Variants in ACE observed in about 807,000 individuals in gnomAD.
ACE encodes the protein angiotensin-converting enzyme.
In ACE, 122 loss-of-function variants were observed where a neutral mutation model predicts 162.3. The observed-to-expected ratio is 0.75, with a 90% confidence interval of 0.65 to 0.87. The LOEUF is 0.87. Ranked by LOEUF, ACE falls within the 40% of genes least tolerant of loss-of-function variation. The probability of loss-of-function intolerance (pLI) is 0.00; values close to 1 mark genes in which losing one functional copy is unlikely to be tolerated. For synonymous variants in ACE, 796 were observed against 720.6 expected, an observed-to-expected ratio of 1.10 and a Z score of -1.68; for missense variants, 1,799 against 1,735.1, an observed-to-expected ratio of 1.04 and a Z score of -0.65.
chr17:63,496,753 G>T, intron 23 of ACE, 45 bp from the exon 24 acceptor site: 1 of 1,606,752 alleles, frequency 6.2e-7, no homozygotes, highest in Non-Finnish European at 8.5e-7. Context: ...GGGCAAGAGG[G>T]GCCATGTCCT....
In ACE at chr17:63,477,969, C is replaced by A. The variant is rs778109111; in HGVS notation, c.288C>A (p.Ala96=). The change falls in exon 2 of 25, where the codon GCC becomes GCA. Residue 96 remains alanine (A), a synonymous_variant. Transcript: ENST00000290866. ...AALLSQEFAE[A]WGQKAKELYE... ...TGCTCAGCCAGGAGTTTGCGGAGGC[C>A]TGGGGCCAGAAGGCCAAGGAGCTGT... 1.2e-6 allele frequency: 2 copies of A among 1,612,356 alleles called. No homozygotes were observed. Among genetic ancestry groups the A allele is most frequent in the Non-Finnish European group, 1.7e-6 (2 of 1,179,510 alleles).
At chr17:63,487,734 C>T (rs549328278) in intron 15 of ACE, among the ~76,000 whole-genome samples, 3 of 152,304 alleles carry the variant, frequency 2.0e-5, no homozygotes, top group African/African-American at 7.2e-5. Context: ...CCTCTCAACC[C>T]ACCCTTTCCA....
Position 63,493,879 on chromosome 17 carries a change from G to C in ACE, c.3137-43G>C, listed in dbSNP as rs374544329. The C allele has an allele frequency of 1.2e-5, 20 of 1,613,906 alleles. No homozygotes were observed. In the African/African-American group the frequency reaches 2.5e-4, roughly 20 times the overall value. On this transcript the variant is annotated intron_variant, in intron 20 of 24. Transcript: ENST00000290866. ...ATCACAGGCACACCAGGGCCAAGCC[G>C]CTAGGACCCTGGGTCTGACAGCTGG...
chr17:63,483,542 G>A lies in ACE; in HGVS notation c.1570G>A (p.Val524Met), dbSNP rs1198635867. The change falls in exon 10 of 25, where the codon GTG (valine) becomes ATG (methionine). Residue 524 changes from valine to methionine, a missense_variant. Coordinates refer to ENST00000290866, the MANE Select transcript of ACE (RefSeq NM_000789.4). ...DAGAKFHVPN[V>M]TPYIRYFVSF... ...TGGAGCTAAGTTTCATGTTCCAAAT[G>A]TGACACCATACATCAGGTATTAGCG... is the stretch of plus-strand genomic sequence containing the variant. The A allele has an allele frequency of 2.5e-6, 4 of 1,613,908 alleles. No individual in the cohort carries two copies. In the African/African-American group the frequency reaches 4.0e-5, roughly 16 times the overall value.
intron 5 of ACE, 25 bp downstream of exon 5, chr17:63,480,553 A>G (rs763532675): frequency 2.5e-6 from 4 of 1,612,050 alleles, no homozygotes; most frequent in African/African-American, 2.7e-5. Context: ...TCGCCTCCAC[A>G]TGAGTCCCAC....
rs12709441 is a variant in ACE, at chr17:63,496,269, C to T, written c.3381-125C>T. Reference sequence around the variant, plus strand: ...GATAGCTGTGGGCAGAGTTGGGGGGCCTTGGCTCTGCTGTGCGCATGTGAC... The same window carrying T: ...GATAGCTGTGGGCAGAGTTGGGGGGTCTTGGCTCTGCTGTGCGCATGTGAC... On this transcript the variant is annotated intron_variant, in intron 22 of 24. Transcript: ENST00000290866. 1.1e-3 allele frequency: 1,640 copies of T among 1,436,820 alleles called. 21 individuals are homozygous for T. In the African/African-American group the frequency reaches 0.02, roughly 17 times the overall value. 89.0% of individuals were successfully genotyped at this position (1,436,820 alleles called of 1,614,324 possible). A position where few individuals can be genotyped will look rare whatever the true frequency, so the allele number is the denominator to read the frequency against.
intron 19 of ACE, among the ~76,000 whole-genome samples, chr17:63,493,030 C>G (rs966525582): frequency 1.3e-5 from 2 of 152,202 alleles, no homozygotes; most frequent in Non-Finnish European, 2.9e-5. Flanking sequence ...TCACCCCTGA[C>G]AGAAACAGTT....
intron 6 of ACE, 21 bp downstream of exon 6, chr17:63,481,209 TGGGGTGGTGGGGGTCG>T: frequency 3.0e-6 from 2 of 669,288 alleles, no homozygotes; most frequent in Non-Finnish European, 4.7e-6. Flanking sequence ...GGCTCAAGCC[TGGGGTGGTGGGGGTCG>T]GGGGTGGGGC....
chr17:63,493,929 C>T lies in ACE; in HGVS notation c.3144C>T (p.Asp1048=). 6.2e-7 allele frequency: 1 copy of T among 1,614,156 alleles called. No individual in the cohort carries two copies. Among genetic ancestry groups the T allele is most frequent in the Non-Finnish European group, 8.5e-7 (1 of 1,180,036 alleles). The change falls in exon 21 of 25, where the codon GAC becomes GAT. Residue 1048 remains aspartate, a synonymous_variant. Coordinates refer to ENST00000290866, the MANE Select transcript of ACE (RefSeq NM_000789.4). ...LSSEGGSDEH[D]INFLMKMALD... is the part of the protein sequence containing the mutation. The stretch of plus-strand genomic sequence containing the variant: ...GGCTCCCTTCCCTTGCAGAGCATGA[C>T]ATCAACTTTCTGATGAAGATGGCCC...
Position 63,497,343 on chromosome 17 carries a change from G to C in ACE, c.3898G>C (p.Glu1300Gln). The change falls in exon 25 of 25, where the codon GAG becomes CAG. Residue 1300 changes from glutamate (E) to glutamine (Q), a missense_variant. Glu to Gln is a conservative substitution (Grantham distance 29). Coordinates refer to ENST00000290866, the MANE Select transcript of ACE (RefSeq NM_000789.4). ...CTCCCACGGGCCCCAGTTCGGCTCCGAGGTGGAGCTGAGACACTCCTGAGG... is the reference window on the plus strand; with the variant it reads ...CTCCCACGGGCCCCAGTTCGGCTCCCAGGTGGAGCTGAGACACTCCTGAGG... ...RHSHGPQFGS[E>Q]VELRHS The C allele has an allele frequency of 3.2e-6, 5 of 1,548,556 alleles. No individual in the cohort carries two copies. Among genetic ancestry groups the C allele is most frequent in the East Asian group, 2.4e-5 (1 of 40,882 alleles).
Position 63,484,890 on chromosome 17 carries a change from C to G in ACE, c.1922-346C>G. 3.1e-6 allele frequency: 5 copies of G among 1,589,498 alleles called. No homozygotes were observed. The highest frequency in any genetic ancestry group is 3.4e-6 in the Non-Finnish European group (4 of 1,167,970). On this transcript the variant is annotated intron_variant, in intron 12 of 24. Transcript: ENST00000290866. This position sits in a 1 kb window ranked among gnomAD's most constrained non-coding sequence, Gnocchi z 4.0. ...GCCATGGGCCAGGGTTGGGCTACTG[C>G]AGGACTTCCCAGCCTCCTCTTCCTG... is the stretch of plus-strand genomic sequence containing the variant.
At chr17:63,492,815 G>A (rs995580485) in intron 19 of ACE, among the ~76,000 whole-genome samples, 8 of 152,058 alleles carry the variant, frequency 5.3e-5, no homozygotes, top group African/African-American at 1.9e-4. Context: ...TGAGCTCAGG[G>A]GTTCGAGACC....
In ACE at chr17:63,482,420, G is replaced by C. The variant is rs199895553; in HGVS notation, c.1119-46G>C. On this transcript the variant is annotated intron_variant, in intron 7 of 24. Coordinates refer to ENST00000290866, the MANE Select transcript of ACE (RefSeq NM_000789.4). ...CTGCCCTGTGCCCTGGCCCTGCCCT[G>C]TTCTGTCCATCCGTCACTCTCACCC... 5 of 1,575,370 alleles carry C rather than the reference G, an allele frequency of 3.2e-6. No homozygotes were observed. In the East Asian group the frequency reaches 9.1e-5, roughly 29 times the overall value.
rs1308790992 is a variant in ACE, at chr17:63,496,409, C to A, written c.3396C>A (p.Phe1132Leu). ...TCTGCTCCAGGTACTTTGTCAGCTT[C>A]ATCATCCAGTTCCAGTTCCACGAGG... ...SVPYIRYFVS[F>L]IIQFQFHEAL... Residue 1132 changes from phenylalanine (F) to leucine (L), a missense_variant, in exon 23 of 25, where the codon TTC (phenylalanine) becomes TTA (leucine). Phe to Leu is a conservative substitution (Grantham distance 22). Coordinates refer to ENST00000290866, the MANE Select transcript of ACE (RefSeq NM_000789.4). 2 of 1,614,226 alleles carry A rather than the reference C, an allele frequency of 1.2e-6. No homozygotes were observed. The highest frequency in any genetic ancestry group is 1.7e-6 in the Non-Finnish European group (2 of 1,180,040).
In ACE at chr17:63,484,065, G is replaced by C. The variant is rs2147537529; in HGVS notation, c.1709+94G>C. The stretch of plus-strand genomic sequence containing the variant: ...TGTCTGGCTGCTCTGATGGGGTGGG[G>C]GGCACCAACCACAGAGCTGGACTGA... On this transcript the variant is annotated intron_variant, in intron 11 of 24. Transcript: ENST00000290866. This position sits in a 1 kb window ranked among gnomAD's most constrained non-coding sequence, Gnocchi z 4.0. 2.0e-6 allele frequency: 3 copies of C among 1,523,070 alleles called. No homozygotes were observed. The East Asian group carries it at 7.4e-5, about 37-fold the overall frequency. 94.3% of individuals were successfully genotyped at this position (1,523,070 alleles called of 1,614,324 possible). A position where few individuals can be genotyped will look rare whatever the true frequency, so the allele number is the denominator to read the frequency against.
At position 63,486,692 on chromosome 17, in the gene ACE, C is replaced by T. The variant is rs1300293916; in HGVS notation, c.2194C>T (p.Leu732=). 3.1e-6 allele frequency: 5 copies of T among 1,614,118 alleles called. No individual in the cohort carries two copies. Among genetic ancestry groups the T allele is most frequent in the Non-Finnish European group, 4.2e-6 (5 of 1,179,934 alleles). The part of the protein sequence containing the change: ...KKVQDLERAA[L]PAQELEEYNK... The stretch of plus-strand genomic sequence containing the variant: ...GGTTCAGGACCTAGAACGGGCAGCA[C>T]TGCCTGCCCAGGAGCTGGAGGAGGT... Residue 732 remains leucine, a synonymous_variant, in exon 14 of 25, where the codon CTG becomes TTG. Coordinates refer to ENST00000290866, the MANE Select transcript of ACE (RefSeq NM_000789.4).
In ACE at chr17:63,491,752, T is replaced by A. The variant is rs749719306; in HGVS notation, c.2912+371T>A. 1.3e-5 allele frequency among the ~76,000 whole-genome samples: 2 copies of A among 152,272 alleles called. No individual in the cohort carries two copies. Among genetic ancestry groups the A allele is most frequent in the South Asian group, 4.1e-4 (2 of 4,822 alleles). Reference sequence around the variant, plus strand: ...GGAGGCACACGAGGATGTTGGGTGCTCTGTACAGATCCACTCTCACCCCTG... The same window carrying A: ...GGAGGCACACGAGGATGTTGGGTGCACTGTACAGATCCACTCTCACCCCTG... On this transcript the variant is annotated intron_variant, in intron 19 of 24. Transcript: ENST00000290866. The surrounding 1 kb of genome is among the most constrained non-coding windows in gnomAD (Gnocchi z 4.4).
Position 63,497,528 on chromosome 17 carries a change from C to T in ACE, c.*162C>T. On this transcript the variant is annotated 3_prime_UTR_variant, in exon 25 of 25. Transcript: ENST00000290866. ...CCCAGTCCTCCAGACCACCAGCCGCCCCAGCCCCTTCTCCCAGCACACGGC... is the reference window on the plus strand; with the variant it reads ...CCCAGTCCTCCAGACCACCAGCCGCTCCAGCCCCTTCTCCCAGCACACGGC... 1.4e-6 allele frequency: 1 copy of T among 730,498 alleles called. No homozygotes were observed. The highest frequency in any genetic ancestry group is 2.7e-5 in the East Asian group (1 of 37,408). The allele number at this position is 730,498 out of a possible 1,614,324, so 45.3% of individuals were successfully genotyped here.
At chr17:63,485,449 G>A in intron 13 of ACE, 77 bp downstream of exon 13, 1 of 1,583,594 alleles carries the variant, frequency 6.3e-7, no homozygotes, top group Admixed American at 1.7e-5. Flanking sequence ...CCACACAGTG[G>A]GGCTGCCACC....
Sources: gnomAD v4.1 joint callset for allele counts (sites outside exome capture counted in the v4.1 genomes callset) on GRCh38, gnomAD v4.1.1 for gene constraint, Gnocchi (gnomAD v3.1) non-coding constraint, MANE v1.5 for transcripts, NCBI Gene and HGNC (gene_info 2026-07-23, HGNC 2026-07-21) for gene names.